The following FBF1 variants were observed in gnomAD, a reference collection of about 807,000 sequenced individuals.
FBF1 encodes fas-binding factor 1.
Under a neutral mutation model 147.2 loss-of-function variants are expected in FBF1, and 119 were observed. That is an observed-to-expected ratio of 0.81 (90% CI 0.70 to 0.94). FBF1 has a LOEUF of 0.94. Ranked by LOEUF, FBF1 falls within the 40% of genes least tolerant of loss-of-function variation. The pLI is 0.00. For missense variants in FBF1, 1,449 were observed against 1,500.8 expected (o/e 0.97, Z 0.57); for synonymous variants, 601 against 609.0 (o/e 0.99, Z 0.19).
chr17:75,929,627 G>A (rs2065582326), intron 7 of FBF1, among the ~76,000 whole-genome samples: 1 of 152,202 alleles, frequency 6.6e-6, no homozygotes, highest in Non-Finnish European at 1.5e-5. Context: ...ATTGAAGGGG[G>A]CTTGGCAGGG....
intron 29 of FBF1, 126 bp downstream of exon 29, chr17:75,912,066 C>G: frequency 1.2e-6 from 1 of 867,256 alleles, no homozygotes; most frequent in Non-Finnish European, 1.8e-6. Flanking sequence ...ACTAAGCAAA[C>G]TGCAGTTTTA....
intron 4 of FBF1, among the ~76,000 whole-genome samples, chr17:75,934,879 C>CAAAAAA (rs1028679601): frequency 1.8e-5 from 1 of 55,610 alleles, no homozygotes; most frequent in Non-Finnish European, 3.9e-5. Flanking sequence ...AACTCTGTCT[C>CAAAAAA]AAAAAAAAAA....
In FBF1 at chr17:75,914,857, C is replaced by A; in HGVS notation, c.2704G>T (p.Ala902Ser). 6.2e-7 allele frequency: 1 copy of A among 1,611,426 alleles called. No individual in the cohort carries two copies. Among genetic ancestry groups the A allele is most frequent in the Non-Finnish European group, 8.5e-7 (1 of 1,179,648 alleles). Residue 902 changes from alanine (A) to serine (S), a missense_variant, in exon 25 of 30, where the codon GCG (alanine) becomes TCG (serine). Transcript: ENST00000636174. ...EERRRLAAEWAEFSAQQKLSK... is the reference protein window; with the variant it reads ...EERRRLAAEWSEFSAQQKLSK... ...AGCTTTTGCTGCGCGGAGAACTCCG[C>A]CCACTCGGCAGCCAGGCGCCGCCGC...
Position 75,926,370 on chromosome 17 carries a change from A to G in FBF1, c.652T>C (p.Leu218=). The G allele has an allele frequency of 6.2e-7, 1 of 1,610,106 alleles. No homozygotes were observed. Among genetic ancestry groups the G allele is most frequent in the East Asian group, 2.2e-5 (1 of 44,850 alleles). Residue 218 remains leucine, a synonymous_variant, in exon 11 of 30, where the codon TTG becomes CTG. Transcript: ENST00000636174. ...ATGATGTCATCCCCATCATCAAACA[A>G]CAATTCTTCTTTTTTTCGGATGGGG... ...DTPIRKKEEL[L]FDDGDDIMAT...
At chr17:75,937,922 TGACA>T (rs1401364392) in intron 2 of FBF1, 1 of 651,438 alleles carries the variant, frequency 1.5e-6, no homozygotes, top group African/African-American at 1.8e-5. Flanking sequence ...TCAATACCAG[TGACA>T]GACACTTAAA....
At position 75,926,404 on chromosome 17, in the gene FBF1, A is replaced by G. The variant is rs758535596; in HGVS notation, c.618T>C (p.Pro206=). The change falls in exon 11 of 30, where the codon CCT becomes CCC. Residue 206 remains proline, a synonymous_variant. Coordinates refer to ENST00000636174, the MANE Select transcript of FBF1 (RefSeq NM_001319193.2). ...CTTTTTTTCGGATGGGGGTGTCCCC[A>G]GGAGTTAGAGGAATAGAGGGACCTG... ...RDQGPSIPLT[P]GDTPIRKKEE... is the part of the protein sequence containing the mutation. 1.3e-6 allele frequency: 2 copies of G among 1,587,590 alleles called. No homozygotes were observed. Among genetic ancestry groups the G allele is most frequent in the East Asian group, 2.2e-5 (1 of 44,674 alleles).
chr17:75,910,174 G>T lies in FBF1; in HGVS notation c.*549C>A. ...GCAAGCCCAGGAGGAGGAGGGCCTGGCTGAGTTCCAGGAACATCTCACACC... is the reference window on the plus strand; with the variant it reads ...GCAAGCCCAGGAGGAGGAGGGCCTGTCTGAGTTCCAGGAACATCTCACACC... On this transcript the variant is annotated 3_prime_UTR_variant, in exon 30 of 30. Coordinates refer to ENST00000636174, the MANE Select transcript of FBF1 (RefSeq NM_001319193.2). The surrounding 1 kb of genome is among the most constrained non-coding windows in gnomAD (Gnocchi z 4.1). 1 of 402,824 alleles carries T rather than the reference G, an allele frequency of 2.5e-6. No individual in the cohort carries two copies. Among genetic ancestry groups the T allele is most frequent in the Non-Finnish European group, 4.8e-6 (1 of 207,550 alleles). 25.0% of individuals were successfully genotyped at this position (402,824 alleles called of 1,614,324 possible).
intron 16 of FBF1, 84 bp downstream of exon 16, chr17:75,921,388 C>A: frequency 1.3e-6 from 2 of 1,548,556 alleles, no homozygotes; most frequent in African/African-American, 1.4e-5. Flanking sequence ...TAACTCATGT[C>A]CCAGGGACCC....
intron 7 of FBF1, among the ~76,000 whole-genome samples, chr17:75,929,131 C>T (rs1438374288): frequency 3.3e-5 from 5 of 151,944 alleles, no homozygotes; most frequent in Admixed American, 1.3e-4. Flanking sequence ...TCTGGGATTA[C>T]AGGTGCCTGG....
rs368008997 is a variant in FBF1, at chr17:75,914,349, A to G, written c.2815-51T>C. The stretch of plus-strand genomic sequence containing the variant: ...ATTCTCCTCCCAGGAATTGCGCTGC[A>G]CTCTGTGCAGGACTCTAGGGTCCCC... On this transcript the variant is annotated intron_variant, in intron 25 of 29. Transcript: ENST00000636174. 5.6e-5 allele frequency: 86 copies of G among 1,547,906 alleles called. 1 individual carries two copies. The African/African-American group carries it at 1.0e-3, about 18-fold the overall frequency.
At position 75,914,110 on chromosome 17, in the gene FBF1, C is replaced by A; in HGVS notation, c.2991+12G>T. The A allele has an allele frequency of 6.3e-7, 1 of 1,596,976 alleles. No homozygotes were observed. Among genetic ancestry groups the A allele is most frequent in the Non-Finnish European group, 8.5e-7 (1 of 1,175,832 alleles). Reference sequence around the variant, plus strand: ...GCTCAGATGCGCCCACGCCCATGTGCCCGAGCAGCACCTTGCTCATGCTCT... The same window carrying A: ...GCTCAGATGCGCCCACGCCCATGTGACCGAGCAGCACCTTGCTCATGCTCT... On this transcript the variant is annotated intron_variant, in intron 26 of 29. Transcript: ENST00000636174.
Position 75,926,832 on chromosome 17 carries a change from C to G in FBF1, c.521G>C (p.Gly174Ala). 6.2e-7 allele frequency: 1 copy of G among 1,613,706 alleles called. No individual in the cohort carries two copies. The highest frequency in any genetic ancestry group is 8.5e-7 in the Non-Finnish European group (1 of 1,179,800). The change falls in exon 10 of 30, where the codon GGA becomes GCA. Residue 174 changes from glycine (G) to alanine (A), a missense_variant. Physicochemically the swap from Gly to Ala is moderately conservative, Grantham distance 60. Coordinates refer to ENST00000636174, the MANE Select transcript of FBF1 (RefSeq NM_001319193.2). ...TGTCACAGGCGGCTGCTTGGTGATT[C>G]CTCCTTCATCATAGGAGAGAAGTCC... ...LRGLLSYDEG[G>A]ITKQPPVTQS...
At chr17:75,930,156 G>T in intron 6 of FBF1, 109 bp from the exon 7 acceptor site, 1 of 816,460 alleles carries the variant, frequency 1.2e-6, no homozygotes, top group Non-Finnish European at 2.0e-6. Context: ...CGGCGCGGCA[G>T]GAGCAGAGCT....
At chr17:75,938,416 G>A (rs994009760) in intron 1 of FBF1, among the ~76,000 whole-genome samples, 184 bp from the exon 2 acceptor site, 4 of 151,836 alleles carry the variant, frequency 2.6e-5, no homozygotes, top group Non-Finnish European at 2.9e-5. Flanking sequence ...AAAATTAGCT[G>A]GGTGTGGTGG....
At position 75,910,269 on chromosome 17, in the gene FBF1, A is replaced by G; in HGVS notation, c.*454T>C. On this transcript the variant is annotated 3_prime_UTR_variant, in exon 30 of 30. Transcript: ENST00000636174. The surrounding 1 kb of genome is among the most constrained non-coding windows in gnomAD (Gnocchi z 4.1). ...CCAGAGGGCCCTTCTCCAGCTCATC[A>G]GGGAGGGAACTGCTCTGGCAGGGAG... 2.9e-6 allele frequency: 1 copy of G among 347,240 alleles called. No individual in the cohort carries two copies. Among genetic ancestry groups the G allele is most frequent in the East Asian group, 7.2e-5 (1 of 13,802 alleles). The allele number at this position is 347,240 out of a possible 1,614,324, so 21.5% of individuals were successfully genotyped here.
At position 75,922,691 on chromosome 17, in the gene FBF1, T is replaced by G. The variant is rs1317560569; in HGVS notation, c.1424+495A>C. Among the ~76,000 whole-genome samples the G allele has an allele frequency of 6.6e-5, 10 of 152,214 alleles. No individual in the cohort carries two copies. Among genetic ancestry groups the G allele is most frequent in the African/African-American group, 1.9e-4 (8 of 41,460 alleles). On this transcript the variant is annotated intron_variant, in intron 14 of 29. Coordinates refer to ENST00000636174, the MANE Select transcript of FBF1 (RefSeq NM_001319193.2). This position sits in a 1 kb window ranked among gnomAD's most constrained non-coding sequence, Gnocchi z 5.0. ...TGCCTTCAGAGGTCACTCGCTATCCTGCCCCACGGATAAGGGCTTCTCCAA... is the reference window on the plus strand; with the variant it reads ...TGCCTTCAGAGGTCACTCGCTATCCGGCCCCACGGATAAGGGCTTCTCCAA...
At chr17:75,938,086 T>C (rs758398963) in intron 2 of FBF1, 61 bp downstream of exon 2, 16 of 1,606,198 alleles carry the variant, frequency 1.0e-5, no homozygotes, top group Admixed American at 1.7e-5. Flanking sequence ...TCAAGATCTT[T>C]GGGGATGCAG....
chr17:75,937,749 G>C lies in FBF1; in HGVS notation c.4-156C>G. ...TGTAAGTCCTTTATGTGTTCCTATA[G>C]TTTCTGAGAACGGACTCATTCAGAG... On this transcript the variant is annotated intron_variant, in intron 2 of 29. Coordinates refer to ENST00000636174, the MANE Select transcript of FBF1 (RefSeq NM_001319193.2). 7 of 811,504 alleles carry C rather than the reference G, an allele frequency of 8.6e-6. No homozygotes were observed. The South Asian group carries it at 1.0e-4, about 12-fold the overall frequency. The allele number at this position is 811,504 out of a possible 1,614,324, so 50.3% of individuals were successfully genotyped here. A position where few individuals can be genotyped will look rare whatever the true frequency, so the allele number is the denominator to read the frequency against.
At position 75,921,456 on chromosome 17, in the gene FBF1, C is replaced by A. The variant is rs546578558; in HGVS notation, c.1615+16G>T. The A allele has an allele frequency of 5.6e-6, 9 of 1,608,000 alleles. No individual in the cohort carries two copies. Among genetic ancestry groups the A allele is most frequent in the Non-Finnish European group, 7.6e-6 (9 of 1,177,094 alleles). ...AGGGTTAAACTCCCAAATGAAGCAG[C>A]AAACAAAAAACAAACCAGTGGCTGA... On this transcript the variant is annotated intron_variant, in intron 16 of 29. Coordinates refer to ENST00000636174, the MANE Select transcript of FBF1 (RefSeq NM_001319193.2).
Sources: allele counts gnomAD v4.1 joint callset (sites outside exome capture counted in the v4.1 genomes callset), GRCh38; gene constraint gnomAD v4.1.1; non-coding constraint Gnocchi (gnomAD v3.1); transcripts MANE v1.5; gene names NCBI Gene and HGNC (gene_info 2026-07-23, HGNC 2026-07-21).